CDO1: variants seen among roughly 807,000 people sequenced by gnomAD.
CDO1 encodes the protein cysteine dioxygenase, type I.
Under a neutral mutation model 24.5 loss-of-function variants are expected in CDO1, and 19 were observed. The observed-to-expected ratio is 0.77, with a 90% CI of 0.54 to 1.14. The LOEUF is 1.14. Ranked by LOEUF, CDO1 falls within the 50% of genes most tolerant of loss-of-function variation. The probability of loss-of-function intolerance (pLI) is 0.00; values close to 1 mark genes in which losing one functional copy is unlikely to be tolerated. For synonymous variants in CDO1, 91 were observed against 87.0 expected (o/e 1.05, Z -0.26); for missense variants, 244 against 244.8 (o/e 1.00, Z 0.02).
rs770181337 is a variant in CDO1, at chr5:115,805,400, C to G, written c.*33G>C. On this transcript the variant is annotated 3_prime_UTR_variant, in exon 5 of 5. Coordinates refer to ENST00000250535, the MANE Select transcript of CDO1 (RefSeq NM_001801.3). ...TGTCCAAGGCAAACATACAGCGAAC[C>G]TTAAAGTAAAACCTCAGAGGGTTTG... 2 of 1,608,548 alleles carry G rather than the reference C, an allele frequency of 1.2e-6. No individual in the cohort carries two copies. The highest frequency in any genetic ancestry group is 1.7e-6 in the Non-Finnish European group (2 of 1,176,520).
In CDO1 at chr5:115,806,532, G is replaced by C. The variant is rs373296506; in HGVS notation, c.404-14C>G. ...AGCCAATGGAATCTAAACAATATCC[G>C]GGAAGGAAAAATAGATAAAGGAGCC... On this transcript the variant is annotated splice_polypyrimidine_tract_variant and intron_variant, in intron 3 of 4. Transcript: ENST00000250535. 1.9e-6 allele frequency: 3 copies of C among 1,594,032 alleles called. No individual in the cohort carries two copies. In the African/African-American group the frequency reaches 4.1e-5, roughly 22 times the overall value.
chr5:115,813,271 A>G lies in CDO1; in HGVS notation c.171-13T>C. Reference sequence around the variant, plus strand: ...ATTTCGGGTATACCTAAAAAAAAACAATATATTCAGAAGTTTTAAGTTCGT... The same window carrying G: ...ATTTCGGGTATACCTAAAAAAAAACGATATATTCAGAAGTTTTAAGTTCGT... On this transcript the variant is annotated splice_polypyrimidine_tract_variant and intron_variant, in intron 1 of 4. Transcript: ENST00000250535. 1 of 1,425,436 alleles carries G rather than the reference A, an allele frequency of 7.0e-7. No homozygotes were observed. The highest frequency in any genetic ancestry group is 9.9e-7 in the Non-Finnish European group (1 of 1,009,914). The allele number at this position is 1,425,436 out of a possible 1,614,324, so 88.3% of individuals were successfully genotyped here.
chr5:115,812,068 C>T (rs1054258440), intron 2 of CDO1, among the ~76,000 whole-genome samples: 1 of 152,028 alleles, frequency 6.6e-6, no homozygotes, highest in African/African-American at 2.4e-5. Flanking sequence ...TTCATTTCAT[C>T]TATTGAATTT....
intron 2 of CDO1, 107 bp downstream of exon 2, chr5:115,813,074 A>AAAAAAT: frequency 2.1e-6 from 1 of 468,626 alleles, no homozygotes. Flanking sequence ...AAAAAAAAAA[A>AAAAAAT]TGAGATTTGT....
chr5:115,806,248 G>T, intron 4 of CDO1, 101 bp downstream of exon 4: 1 of 647,872 alleles, frequency 1.5e-6, no homozygotes, highest in Non-Finnish European at 2.5e-6. Context: ...AAGATATATT[G>T]GGCCTTATCC....
intron 3 of CDO1, among the ~76,000 whole-genome samples, chr5:115,807,472 A>G (rs1383540365): frequency 2.0e-5 from 3 of 152,194 alleles, no homozygotes; most frequent in Non-Finnish European, 4.4e-5. Context: ...AGAGCAAACA[A>G]AAAAGCAACC....
At chr5:115,816,130 T>C in intron 1 of CDO1, 98 bp downstream of exon 1, 1 of 1,152,120 alleles carries the variant, frequency 8.7e-7, no homozygotes, top group Non-Finnish European at 1.2e-6. Context: ...CGGCCCGAGC[T>C]TCCCGAGCCA....
At chr5:115,805,781 A>C (rs1403291593) in intron 4 of CDO1, among the ~76,000 whole-genome samples, 2 of 152,224 alleles carry the variant, frequency 1.3e-5, no homozygotes, top group African/African-American at 4.8e-5. Context: ...CTATTCCTCT[A>C]AATGACAAAC....
Position 115,805,468 on chromosome 5 carries a change from A to C in CDO1, c.574-6T>G. 1 of 1,613,562 alleles carries C rather than the reference A, an allele frequency of 6.2e-7. No homozygotes were observed. Among genetic ancestry groups the C allele is most frequent in the Non-Finnish European group, 8.5e-7 (1 of 1,179,520 alleles). ...TCCAGCGAGCCCGAAGTTGCCTGTA[A>C]AAAAGGGAAAAAAAGAAAGCTGTGT... On this transcript the variant is annotated splice_polypyrimidine_tract_variant and splice_region_variant and intron_variant, in intron 4 of 4. Transcript: ENST00000250535.
intron 4 of CDO1, among the ~76,000 whole-genome samples, chr5:115,806,054 G>C (rs1759932726): frequency 6.6e-6 from 1 of 152,170 alleles, no homozygotes; most frequent in Non-Finnish European, 1.5e-5. Flanking sequence ...CCTATGCATA[G>C]TAAGTCATGG....
intron 3 of CDO1, among the ~76,000 whole-genome samples, chr5:115,810,367 T>C (rs972254035): frequency 1.3e-5 from 2 of 151,894 alleles, no homozygotes; most frequent in African/African-American, 4.8e-5. Flanking sequence ...CAAAAAAAAA[T>C]CCCCCAAAGC....
intron 3 of CDO1, 27 bp from the exon 4 acceptor site, chr5:115,806,545 A>G (rs771469569): frequency 6.3e-7 from 1 of 1,575,726 alleles, no homozygotes; most frequent in African/African-American, 1.4e-5. Context: ...AAGGAAAAAT[A>G]GATAAAGGAG....
chr5:115,814,343 T>A (rs1314449714), intron 1 of CDO1: 1 of 152,196 alleles, frequency 6.6e-6, no homozygotes, highest in African/African-American at 2.4e-5. Context: ...CCTCCAGAAG[T>A]CTTAGGATAA....
chr5:115,807,215 G>T (rs1759984842), intron 3 of CDO1, among the ~76,000 whole-genome samples: 1 of 151,910 alleles, frequency 6.6e-6, no homozygotes, highest in African/African-American at 2.4e-5. Context: ...TTCTTTCCAG[G>T]CAGAAGATAG....
At chr5:115,813,622 G>GTTTTTTTTTTTT (rs11347287) in intron 1 of CDO1, among the ~76,000 whole-genome samples, 1 of 145,110 alleles carries the variant, frequency 6.9e-6, no homozygotes, top group Non-Finnish European at 1.5e-5. Context: ...TGTTGCTATT[G>GTTTTTTTTTTTT]TTTTTTTTTT....
Position 115,816,129 on chromosome 5 carries a change from C to T in CDO1, c.170+99G>A, listed in dbSNP as rs553495753. The T allele has an allele frequency of 1.4e-4, 177 of 1,274,368 alleles. No individual in the cohort carries two copies. The African/African-American group carries it at 2.5e-3, about 18-fold the overall frequency. 78.9% of individuals were successfully genotyped at this position (1,274,368 alleles called of 1,614,324 possible). Reference sequence around the variant, plus strand: ...AGCGGCGGACGCAGCGCGGCCCGAGCTTCCCGAGCCAGTCACTTTGGGCTG... The same window carrying T: ...AGCGGCGGACGCAGCGCGGCCCGAGTTTCCCGAGCCAGTCACTTTGGGCTG... On this transcript the variant is annotated intron_variant, in intron 1 of 4. Transcript: ENST00000250535.
At position 115,804,903 on chromosome 5, in the gene CDO1, C is replaced by A. The variant is rs1339381851; in HGVS notation, c.*530G>T. On this transcript the variant is annotated 3_prime_UTR_variant, in exon 5 of 5. Transcript: ENST00000250535. ...CCTTTCATTAACAAATGGCAGAGTG[C>A]CGTAAGTTCCTCTATTATTCATAGA... 2.0e-5 allele frequency: 3 copies of A among 152,200 alleles called. No homozygotes were observed. The highest frequency in any genetic ancestry group is 4.4e-5 in the Non-Finnish European group (3 of 68,048). The allele number at this position is 152,200 out of a possible 1,614,324, so 9.4% of individuals were successfully genotyped here.
At chr5:115,809,272 G>A (rs1409969680) in intron 3 of CDO1, among the ~76,000 whole-genome samples, 8 of 151,850 alleles carry the variant, frequency 5.3e-5, no homozygotes, top group African/African-American at 1.9e-4. Context: ...TTTCCTTTAT[G>A]GTCATGGTGT....
rs1364458003 is a variant in CDO1 at position 115,816,403 on chromosome 5, G to A, written c.-6C>T. On this transcript the variant is annotated 5_prime_UTR_variant, in exon 1 of 5. Coordinates refer to ENST00000250535, the MANE Select transcript of CDO1 (RefSeq NM_001801.3). Reference sequence around the variant, plus strand: ...AGCACTTCGGTCTGTTCCATCTCGTGGGGAGCTGGCTGCGCGCGCGTCTCA... The same window carrying A: ...AGCACTTCGGTCTGTTCCATCTCGTAGGGAGCTGGCTGCGCGCGCGTCTCA... 6.2e-7 allele frequency: 1 copy of A among 1,611,828 alleles called. No homozygotes were observed. Among genetic ancestry groups the A allele is most frequent in the East Asian group, 2.2e-5 (1 of 44,840 alleles).
Sources: allele counts gnomAD v4.1 joint callset (sites outside exome capture counted in the v4.1 genomes callset), GRCh38; gene constraint gnomAD v4.1.1; transcripts MANE v1.5; gene names NCBI Gene and HGNC (gene_info 2026-07-23, HGNC 2026-07-21).